The following CNTN4 variants were observed in gnomAD, a reference collection of about 807,000 sequenced individuals.
CNTN4 encodes contactin-4.
CNTN4 carries 77 observed loss-of-function variants against 122.5 expected under a neutral mutation model. The ratio of observed to expected loss-of-function variants is 0.63; its 90% CI spans 0.52 to 0.76. The LOEUF is 0.76. CNTN4 is among the 30% of genes least tolerant of loss of function. The probability of loss-of-function intolerance (pLI) is 0.00; values close to 1 mark genes in which losing one functional copy is unlikely to be tolerated. For missense variants in CNTN4, 1,256 were observed against 1,259.1 expected (o/e 1.00, Z 0.04); for synonymous variants, 512 against 447.0 (o/e 1.15, Z -1.83).
intron 3 of CNTN4, among the ~76,000 whole-genome samples, chr3:2,352,577 G>T (rs1004789882): frequency 6.6e-6 from 1 of 152,206 alleles, no homozygotes; most frequent in Non-Finnish European, 1.5e-5. Flanking sequence ...AGCAGTGCCA[G>T]CCCGCCAGTG....
At chr3:2,526,682 C>T (rs2149197210) in intron 3 of CNTN4, among the ~76,000 whole-genome samples, 1 of 152,190 alleles carries the variant, frequency 6.6e-6, no homozygotes, top group Non-Finnish European at 1.5e-5. Context: ...CATTCTTTCT[C>T]TTATATTCAT....
At chr3:2,813,934 G>A (rs184255806) in intron 6 of CNTN4, among the ~76,000 whole-genome samples, 90 of 152,088 alleles carry the variant, frequency 5.9e-4, no homozygotes, top group South Asian at 1.7e-3. Context: ...TTTTGTACAC[G>A]TCCACTCCTC....
At chr3:2,668,229 G>A (rs2084286913) in intron 4 of CNTN4, among the ~76,000 whole-genome samples, 1 of 152,162 alleles carries the variant, frequency 6.6e-6, no homozygotes, top group Admixed American at 6.5e-5. Context: ...CTGGAGCATG[G>A]AATGTTCTTC....
At chr3:2,504,108 G>T (rs1323822351) in intron 3 of CNTN4, among the ~76,000 whole-genome samples, 1 of 152,064 alleles carries the variant, frequency 6.6e-6, no homozygotes, top group Non-Finnish European at 1.5e-5. Context: ...TCTGGAAGGA[G>T]CTCTCTGCTT....
chr3:2,208,220 A>AT (rs1466840255), intron 2 of CNTN4, among the ~76,000 whole-genome samples: 1 of 152,120 alleles, frequency 6.6e-6, no homozygotes, highest in African/African-American at 2.4e-5. Flanking sequence ...CATAAAGAAC[A>AT]TTTTTGCGAA....
At chr3:2,390,326 T>A (rs1357331489) in intron 3 of CNTN4, among the ~76,000 whole-genome samples, 1 of 151,770 alleles carries the variant, frequency 6.6e-6, no homozygotes, top group Non-Finnish European at 1.5e-5. Context: ...TTGAAGCATA[T>A]AGTAATTATA....
intron 3 of CNTN4, among the ~76,000 whole-genome samples, chr3:2,367,681 C>CA (rs779708223): frequency 3.9e-5 from 6 of 152,154 alleles, no homozygotes; most frequent in Non-Finnish European, 8.8e-5. Context: ...ACAGGGGTTT[C>CA]ACCATGTTGA....
intron 4 of CNTN4, among the ~76,000 whole-genome samples, chr3:2,577,325 A>G (rs1576069053): frequency 6.6e-6 from 1 of 152,194 alleles, no homozygotes; most frequent in East Asian, 1.9e-4. Context: ...TGGAGAGTTG[A>G]CTGTGTATGT....
chr3:2,416,836 A>T (rs1476518498), intron 3 of CNTN4, among the ~76,000 whole-genome samples: 1 of 152,030 alleles, frequency 6.6e-6, no homozygotes, highest in Admixed American at 6.6e-5. Context: ...TTGTATTTTT[A>T]GTAGAGACGG....
intron 3 of CNTN4, among the ~76,000 whole-genome samples, chr3:2,458,885 G>T (rs934591966): frequency 6.6e-6 from 1 of 152,116 alleles, no homozygotes; most frequent in African/African-American, 2.4e-5. Context: ...CATTTGCTTT[G>T]TATTAGTGAC....
intron 2 of CNTN4, among the ~76,000 whole-genome samples, chr3:2,206,893 T>TA (rs60265436): frequency 4.2e-5 from 6 of 143,422 alleles, no homozygotes; most frequent in Admixed American, 1.4e-4. Flanking sequence ...TTTTTTTTTT[T>TA]AAAGAATTTT....
At chr3:2,521,802 A>G (rs17015592) in intron 3 of CNTN4, among the ~76,000 whole-genome samples, 21,353 of 152,080 alleles carry the variant, frequency 0.14, 1,721 homozygotes, top group African/African-American at 0.22. Flanking sequence ...AGCTAGAAGG[A>G]GTTACAGAGT....
chr3:2,666,673 C>T (rs550131285), intron 4 of CNTN4, among the ~76,000 whole-genome samples: 1 of 151,998 alleles, frequency 6.6e-6, no homozygotes, highest in Non-Finnish European at 1.5e-5. Context: ...ATACATGTGC[C>T]ATGTTGGTGT....
chr3:2,783,640 A>G (rs140017564), intron 6 of CNTN4, among the ~76,000 whole-genome samples: 2 of 152,366 alleles, frequency 1.3e-5, no homozygotes, highest in East Asian at 3.9e-4. Flanking sequence ...ATTGAAACTA[A>G]CAGTATTTTA....
chr3:2,125,168 A>G (rs758517631), intron 2 of CNTN4, among the ~76,000 whole-genome samples: 1 of 152,014 alleles, frequency 6.6e-6, no homozygotes, highest in Non-Finnish European at 1.5e-5. Context: ...CTTTGTTTCT[A>G]TGAGTTTGAC....
chr3:2,732,384 A>G (rs1450165987), intron 4 of CNTN4, among the ~76,000 whole-genome samples: 2 of 152,132 alleles, frequency 1.3e-5, no homozygotes, highest in Non-Finnish European at 2.9e-5. Context: ...TCTACAGTCT[A>G]ACTCGGAGAC....
At chr3:2,632,104 G>GTATATATA (rs148199844) in intron 4 of CNTN4, among the ~76,000 whole-genome samples, 5 of 150,370 alleles carry the variant, frequency 3.3e-5, no homozygotes, top group Admixed American at 6.6e-5. Context: ...ATGTATGTAT[G>GTATATATA]TATATATATA....
At chr3:2,808,962 C>T (rs1284161939) in intron 6 of CNTN4, among the ~76,000 whole-genome samples, 1 of 152,212 alleles carries the variant, frequency 6.6e-6, no homozygotes. Context: ...ACCACCACAG[C>T]CTGTGAAACA....
chr3:2,253,666 G>T (rs1240840469), intron 2 of CNTN4, among the ~76,000 whole-genome samples: 2 of 150,676 alleles, frequency 1.3e-5, no homozygotes, highest in African/African-American at 2.4e-5. Context: ...TATTGAGACA[G>T]AGTCGCACTC....
Sources: allele counts gnomAD v4.1 joint callset (sites outside exome capture counted in the v4.1 genomes callset), GRCh38; gene constraint gnomAD v4.1.1; transcripts MANE v1.5; gene names NCBI Gene and HGNC (gene_info 2026-07-23, HGNC 2026-07-21).